Variants in MYO1H observed in about 807,000 individuals in gnomAD.
MYO1H encodes the protein unconventional myosin-Ih.
MYO1H carries 118 observed loss-of-function variants against 149.3 expected under a neutral mutation model. That is an observed-to-expected ratio of 0.79 (90% CI 0.68 to 0.92). The LOEUF (loss-of-function observed/expected upper bound fraction) is 0.92. Ranked by LOEUF, MYO1H falls within the 40% of genes least tolerant of loss-of-function variation. MYO1H has a pLI of 0.00. For missense variants in MYO1H, 1,212 were observed against 1,280.7 expected (o/e 0.95, Z 0.82); for synonymous variants, 447 against 465.2 (o/e 0.96, Z 0.50).
the MYO1H span, among the ~76,000 whole-genome samples, chr12:109,324,314 T>C: frequency 6.6e-6 from 1 of 152,178 alleles, no homozygotes; most frequent in African/African-American, 2.4e-5. Context: ...AGCCACACAG[T>C]GTCCCTTCTG....
chr12:109,424,440 C>G (rs1566037533), intron 16 of MYO1H, among the ~76,000 whole-genome samples: 1 of 152,224 alleles, frequency 6.6e-6, no homozygotes, highest in Non-Finnish European at 1.5e-5. Context: ...AAGCCTGAGC[C>G]CCACCATTCC....
At chr12:109,397,704 G>T (rs763686864) in intron 4 of MYO1H, 28 bp from the exon 5 acceptor site, 2 of 1,585,620 alleles carry the variant, frequency 1.3e-6, no homozygotes, top group Non-Finnish European at 1.7e-6. Context: ...GAGCTTAAAT[G>T]ACAGTGAATG....
chr12:109,389,833 T>C (rs941867929), intron 2 of MYO1H, among the ~76,000 whole-genome samples: 2 of 152,172 alleles, frequency 1.3e-5, no homozygotes, highest in Non-Finnish European at 2.9e-5. Flanking sequence ...GCTATTTTGT[T>C]TGTAATGCTG....
chr12:109,420,201 A>C (rs1054717776), intron 15 of MYO1H, among the ~76,000 whole-genome samples: 1 of 152,170 alleles, frequency 6.6e-6, no homozygotes, highest in African/African-American at 2.4e-5. Flanking sequence ...TGTAAAGACT[A>C]TGCATATTTA....
chr12:109,346,647 A>G (rs926843009), upstream of MYO1H, among the ~76,000 whole-genome samples: 2 of 151,800 alleles, frequency 1.3e-5, no homozygotes, highest in Admixed American at 1.3e-4. Context: ...TTGTAATCCC[A>G]GCTACTCAGG....
intron 1 of MYO1H, among the ~76,000 whole-genome samples, chr12:109,354,834 C>G (rs1268828948): frequency 2.0e-5 from 3 of 152,154 alleles, no homozygotes; most frequent in Non-Finnish European, 4.4e-5. Flanking sequence ...ATCTTAGGGA[C>G]TAGCAGTATC....
At chr12:109,392,072 C>T (rs1302290910) in intron 2 of MYO1H, among the ~76,000 whole-genome samples, 3 of 152,190 alleles carry the variant, frequency 2.0e-5, no homozygotes, top group Non-Finnish European at 4.4e-5. Flanking sequence ...AATTAGATCC[C>T]ATTTGTCAAT....
At chr12:109,419,889 A>G (rs1871100263) in intron 15 of MYO1H, among the ~76,000 whole-genome samples, 1 of 147,822 alleles carries the variant, frequency 6.8e-6, no homozygotes, top group Non-Finnish European at 1.5e-5. Flanking sequence ...AAAAAAAAAA[A>G]ATCTGGTTTT....
At chr12:109,343,589 TG>T (rs528136333), upstream of MYO1H, among the ~76,000 whole-genome samples, 153 of 152,348 alleles carry the variant, frequency 1.0e-3, no homozygotes, top group African/African-American at 3.5e-3. Context: ...CCAACCCATA[TG>T]CCACTGGAGA....
At chr12:109,322,415 G>A in the MYO1H span, among the ~76,000 whole-genome samples, 1 of 152,118 alleles carries the variant, frequency 6.6e-6, no homozygotes, top group Non-Finnish European at 1.5e-5. Flanking sequence ...TAATTTAACC[G>A]TATTAATGCA....
chr12:109,409,539 G>T lies in MYO1H; in HGVS notation c.1156-18G>T, dbSNP rs73407526. 3 of 1,608,958 alleles carry T rather than the reference G, an allele frequency of 1.9e-6. No homozygotes were observed. The highest frequency in any genetic ancestry group is 2.2e-5 in the South Asian group (2 of 90,994). ...AGGAAAAGACCTAACTATGAATGGG[G>T]TGTGTTATTTTGACCAGGATTTCAC... On this transcript the variant is annotated intron_variant, in intron 10 of 31. Coordinates refer to ENST00000310903, the Ensembl canonical transcript of MYO1H.
At chr12:109,407,802 C>G (rs776968942) in exon 10 of MYO1H, 3 of 1,613,722 alleles carry the variant, frequency 1.9e-6, no homozygotes, top group Non-Finnish European at 1.7e-6. Flanking sequence ...AGGTGATCTG[C>G]CCGTTGACAC....
chr12:109,436,369 C>T (rs781568083), intron 21 of MYO1H, 119 bp from the exon 22 acceptor site: 24 of 684,750 alleles, frequency 3.5e-5, no homozygotes, highest in Middle Eastern at 4.8e-4. Context: ...CCTGAAACAT[C>T]ACTACACCAC....
At position 109,434,717 on chromosome 12, in the gene MYO1H, G is replaced by A. The variant is rs375450501; in HGVS notation, c.2064-320G>A. On this transcript the variant is annotated intron_variant, in intron 20 of 31. Coordinates refer to ENST00000310903, the Ensembl canonical transcript of MYO1H. ...AGAGTTGGCAGGGCCACATTCCTGC[G>A]GGAGCCTCTTTTAGCTCTGGTGGCT... is the stretch of plus-strand genomic sequence containing the variant. 9.2e-5 allele frequency among the ~76,000 whole-genome samples: 14 copies of A among 152,272 alleles called. No homozygotes were observed. The East Asian group carries it at 1.4e-3, about 15-fold the overall frequency.
intron 20 of MYO1H, among the ~76,000 whole-genome samples, chr12:109,433,838 G>A (rs187417423): frequency 9.3e-4 from 141 of 152,276 alleles, no homozygotes; most frequent in Non-Finnish European, 1.7e-3. Context: ...GGTGGGATCC[G>A]TCTGTCCCCT....
chr12:109,312,305 C>T, the MYO1H span, among the ~76,000 whole-genome samples: 3 of 152,228 alleles, frequency 2.0e-5, no homozygotes, highest in Admixed American at 6.5e-5. Flanking sequence ...CACCACCTCC[C>T]GGGTTCACGC....
In MYO1H at chr12:109,349,732, A is replaced by G. The variant is rs1339498543; in HGVS notation, c.12+1760A>G. 4.0e-5 allele frequency among the ~76,000 whole-genome samples: 6 copies of G among 151,166 alleles called. No individual in the cohort carries two copies. The South Asian group carries it at 1.0e-3, about 26-fold the overall frequency. Reference sequence around the variant, plus strand: ...TCCCAGCACTTTGGGAGGCCGAGGCAGGCAGATCACGAGGTCAGGAGATCG... The same window carrying G: ...TCCCAGCACTTTGGGAGGCCGAGGCGGGCAGATCACGAGGTCAGGAGATCG... On this transcript the variant is annotated intron_variant, in intron 1 of 31. Transcript: ENST00000310903.
At chr12:109,411,703 G>A (rs907129411) in intron 13 of MYO1H, among the ~76,000 whole-genome samples, 191 bp from the exon 14 acceptor site, 3 of 151,786 alleles carry the variant, frequency 2.0e-5, no homozygotes, top group Admixed American at 1.3e-4. Context: ...CTGGTTCCAT[G>A]GTCCCCTTAT....
intron 19 of MYO1H, among the ~76,000 whole-genome samples, chr12:109,429,926 G>C (rs145336762): frequency 0.01 from 1,589 of 152,286 alleles, 113 homozygotes; most frequent in Admixed American, 0.098. Flanking sequence ...CTCAGTGTCT[G>C]GTGAGGGCCA....
Sources: gnomAD v4.1 joint callset for allele counts (sites outside exome capture counted in the v4.1 genomes callset) on GRCh38, gnomAD v4.1.1 for gene constraint, MANE v1.5 for transcripts, NCBI Gene and HGNC (gene_info 2026-07-23, HGNC 2026-07-21) for gene names.